The following PTPRT variants were observed in gnomAD, a reference collection of about 807,000 sequenced individuals.
PTPRT encodes the protein receptor-type tyrosine-protein phosphatase T.
A neutral mutation model predicts 176.8 loss-of-function variants in PTPRT; 56 were observed. The observed-to-expected ratio is 0.32, with a 90% CI of 0.26 to 0.40. The LOEUF (loss-of-function observed/expected upper bound fraction) is 0.40. Ranked by LOEUF, PTPRT falls within the 10% of genes least tolerant of loss-of-function variation. PTPRT has a pLI of 1.00. For synonymous variants in PTPRT, 783 were observed against 739.0 expected (o/e 1.06, Z -0.96); for missense variants, 1,540 against 1,908.2 (o/e 0.81, Z 3.60).
At chr20:42,888,331 T>C (rs1322838251) in intron 1 of PTPRT, among the ~76,000 whole-genome samples, 2 of 150,800 alleles carry the variant, frequency 1.3e-5, no homozygotes, top group Admixed American at 6.6e-5. Flanking sequence ...AAGTGTGTCA[T>C]ACCTCAACAC....
At chr20:42,196,133 C>T (rs891637159) in intron 16 of PTPRT, among the ~76,000 whole-genome samples, 6 of 152,150 alleles carry the variant, frequency 3.9e-5, no homozygotes, top group African/African-American at 1.4e-4. Flanking sequence ...TTTTAAGAGT[C>T]CTCCCAGGGT....
chr20:43,013,137 T>C (rs1195458950), intron 1 of PTPRT, among the ~76,000 whole-genome samples: 1 of 152,134 alleles, frequency 6.6e-6, no homozygotes, highest in Non-Finnish European at 1.5e-5. Context: ...TATATATCTC[T>C]GTGTTTTTTA....
intron 1 of PTPRT, among the ~76,000 whole-genome samples, chr20:43,100,252 C>T (rs939568245): frequency 6.6e-6 from 1 of 152,122 alleles, no homozygotes; most frequent in Non-Finnish European, 1.5e-5. Flanking sequence ...TGACACACGC[C>T]TGTAATCCCC....
At chr20:42,901,939 C>T (rs772685680) in intron 1 of PTPRT, among the ~76,000 whole-genome samples, 12 of 152,188 alleles carry the variant, frequency 7.9e-5, no homozygotes, top group Admixed American at 3.3e-4. Flanking sequence ...TTCCCAGCTA[C>T]AGCAGCAGAG....
At chr20:42,068,066 G>C (rs1982150503), downstream of PTPRT, among the ~76,000 whole-genome samples, 1 of 152,164 alleles carries the variant, frequency 6.6e-6, no homozygotes, top group Non-Finnish European at 1.5e-5. Flanking sequence ...ACTGCCTTCA[G>C]AGGAAAGAGA....
chr20:42,184,575 T>TCTTCTTCTTCTTCTTCTTCTGCTTCTG (rs1990675103), intron 16 of PTPRT, among the ~76,000 whole-genome samples: 1 of 138,866 alleles, frequency 7.2e-6, no homozygotes, highest in African/African-American at 2.8e-5. Flanking sequence ...TTCTTCTTCT[T>TCTTCTTCTTCTTCTTCTTCTGCTTCTG]CTTCTTCTTC....
At chr20:42,727,204 C>T (rs6124487) in intron 6 of PTPRT, among the ~76,000 whole-genome samples, 19,402 of 152,100 alleles carry the variant, frequency 0.13, 1,538 homozygotes, top group East Asian at 0.25. Context: ...GCCTCCATCC[C>T]CCCCGTTCCA....
chr20:42,341,294 G>T (rs936086756), intron 11 of PTPRT, among the ~76,000 whole-genome samples: 6 of 151,950 alleles, frequency 3.9e-5, no homozygotes, highest in African/African-American at 7.3e-5. Context: ...TACACCAGAT[G>T]GTCCATTTTC....
intron 27 of PTPRT, among the ~76,000 whole-genome samples, chr20:42,095,358 CCTT>C (rs1273831675): frequency 1.3e-5 from 2 of 152,220 alleles, no homozygotes; most frequent in Non-Finnish European, 2.9e-5. Flanking sequence ...TCTGACCTCA[CCTT>C]CTGCTGCTTT....
intron 17 of PTPRT, among the ~76,000 whole-genome samples, chr20:42,156,936 T>C (rs2223423): frequency 0.012 from 1,820 of 152,328 alleles, 35 homozygotes; most frequent in African/African-American, 0.04. Context: ...TCATTAGCAC[T>C]TGTCTTCTCA....
chr20:42,347,941 G>T (rs962234012), intron 11 of PTPRT, among the ~76,000 whole-genome samples: 1 of 152,160 alleles, frequency 6.6e-6, no homozygotes, highest in Non-Finnish European at 1.5e-5. Flanking sequence ...CCACCTCCCT[G>T]CCTCACTCAC....
chr20:42,738,090 G>A (rs766594260), intron 6 of PTPRT, among the ~76,000 whole-genome samples: 9 of 152,110 alleles, frequency 5.9e-5, no homozygotes, highest in Non-Finnish European at 1.2e-4. Flanking sequence ...TGCATGCCCC[G>A]GGTCCATGTG....
intron 6 of PTPRT, among the ~76,000 whole-genome samples, chr20:42,712,416 T>C (rs1004201134): frequency 6.6e-6 from 1 of 152,162 alleles, no homozygotes; most frequent in African/African-American, 2.4e-5. Context: ...AGGTTCTATG[T>C]ACTCCTCCCA....
At position 42,660,121 on chromosome 20, in the gene PTPRT, G is replaced by A. The variant is rs538568002; in HGVS notation, c.1153+17745C>T. 6.6e-5 allele frequency among the ~76,000 whole-genome samples: 10 copies of A among 152,320 alleles called. No homozygotes were observed. In the East Asian group the frequency reaches 1.4e-3, roughly 21 times the overall value. ...GCTTATAAAGGGCTCTAGGAAGATT[G>A]TACTGTAAAGGCTATGCAAGAGCAG... On this transcript the variant is annotated intron_variant, in intron 7 of 30. Transcript: ENST00000373187.
intron 7 of PTPRT, among the ~76,000 whole-genome samples, chr20:42,623,353 C>T (rs1460927338): frequency 7.9e-5 from 12 of 152,222 alleles, no homozygotes; most frequent in Non-Finnish European, 1.5e-4. Flanking sequence ...CCTAAACCTG[C>T]CTGTCTGTGT....
At chr20:42,175,090 C>T (rs1990235287) in intron 16 of PTPRT, among the ~76,000 whole-genome samples, 1 of 152,186 alleles carries the variant, frequency 6.6e-6, no homozygotes, top group Admixed American at 6.5e-5. Flanking sequence ...ATCCCCTCTT[C>T]CTTCTCCATG....
intron 7 of PTPRT, among the ~76,000 whole-genome samples, chr20:42,629,791 G>A (rs1167422719): frequency 6.6e-6 from 1 of 152,196 alleles, no homozygotes; most frequent in Non-Finnish European, 1.5e-5. Context: ...TAAGGGAACT[G>A]ACCTGGCAAT....
At chr20:42,765,577 G>A (rs1348630273) in intron 5 of PTPRT, among the ~76,000 whole-genome samples, 1 of 151,958 alleles carries the variant, frequency 6.6e-6, no homozygotes, top group Non-Finnish European at 1.5e-5. Context: ...GGATAAAACA[G>A]AAAAGAATAG....
intron 1 of PTPRT, among the ~76,000 whole-genome samples, chr20:43,047,015 T>C (rs1447161019): frequency 3.3e-5 from 5 of 152,176 alleles, no homozygotes; most frequent in Non-Finnish European, 7.3e-5. Context: ...GTTTTGCTTA[T>C]TTTCATCAAG....
Sources: allele counts gnomAD v4.1 joint callset (sites outside exome capture counted in the v4.1 genomes callset), GRCh38; gene constraint gnomAD v4.1.1; transcripts MANE v1.5; gene names NCBI Gene and HGNC (gene_info 2026-07-23, HGNC 2026-07-21).